Variants in GALNTL6 observed in about 807,000 individuals in gnomAD.
GALNTL6 encodes polypeptide N-acetylgalactosaminyltransferase-like 6.
A neutral mutation model predicts 73.7 loss-of-function variants in GALNTL6; 46 were observed. That is an observed-to-expected ratio of 0.62 (90% CI 0.49 to 0.80). GALNTL6 has a LOEUF of 0.80. Ranked by LOEUF, GALNTL6 falls within the 30% of genes least tolerant of loss-of-function variation. GALNTL6 has a pLI of 0.00. For synonymous variants in GALNTL6, 259 were observed against 263.7 expected (o/e 0.98, Z 0.17); for missense variants, 604 against 755.0 (o/e 0.80, Z 2.34).
At chr4:172,134,605 A>T (rs1540653) in intron 2 of GALNTL6, among the ~76,000 whole-genome samples, 66,967 of 151,890 alleles carry the variant, frequency 0.44, 15,391 homozygotes, top group African/African-American at 0.55. Context: ...AATTTTGGAC[A>T]TGCTGCAGAT....
rs17057915 is a variant in GALNTL6 at position 172,030,953 on chromosome 4, A to G, written c.139-198703A>G. Among the ~76,000 whole-genome samples, 1,124 of 152,086 alleles carry G rather than the reference A, an allele frequency of 7.4e-3. 22 individuals are homozygous for G. The highest frequency in any genetic ancestry group is 0.065 in the East Asian group (335 of 5,160). Reference sequence around the variant, plus strand: ...ATGACAAACAGAGGATCACTTTATAAAGGAGTGTTTCTGAGAAGACCTACC... The same window carrying G: ...ATGACAAACAGAGGATCACTTTATAGAGGAGTGTTTCTGAGAAGACCTACC... On this transcript the variant is annotated intron_variant, in intron 2 of 12. Transcript: ENST00000506823.
intron 7 of GALNTL6, among the ~76,000 whole-genome samples, chr4:172,874,657 T>C (rs1371962530): frequency 6.6e-6 from 1 of 152,122 alleles, no homozygotes; most frequent in East Asian, 1.9e-4. Flanking sequence ...TGGTTGGCAA[T>C]TTTTTTAAGC....
Position 172,877,308 on chromosome 4 carries a change from C to T in GALNTL6, c.924-5482C>T, listed in dbSNP as rs1561008450. On this transcript the variant is annotated intron_variant, in intron 7 of 12. Coordinates refer to ENST00000506823, the MANE Select transcript of GALNTL6 (RefSeq NM_001034845.3). ...TAAGCCAGAGAAATTTTTAATTAAA[C>T]TCCACCTTTTTTTTCATTTATGGCA... Among the ~76,000 whole-genome samples, 3 of 152,096 alleles carry T rather than the reference C, an allele frequency of 2.0e-5. No homozygotes were observed. The East Asian group carries it at 5.8e-4, about 29-fold the overall frequency.
At chr4:172,422,781 CA>C (rs1337571359) in intron 5 of GALNTL6, among the ~76,000 whole-genome samples, 2 of 151,738 alleles carry the variant, frequency 1.3e-5, no homozygotes, top group African/African-American at 4.8e-5. Flanking sequence ...TATTCTGCCA[CA>C]GCCTTTCCCA....
chr4:171,850,501 C>T (rs147379712), intron 2 of GALNTL6, among the ~76,000 whole-genome samples: 210 of 152,220 alleles, frequency 1.4e-3, no homozygotes, highest in African/African-American at 4.4e-3. Context: ...TTGCTTATCT[C>T]GAAGCCAGTG....
At position 172,170,311 on chromosome 4, in the gene GALNTL6, T is replaced by C. The variant is rs541171111; in HGVS notation, c.139-59345T>C. Among the ~76,000 whole-genome samples, 7 of 152,282 alleles carry C rather than the reference T, an allele frequency of 4.6e-5. No homozygotes were observed. The South Asian group carries it at 6.2e-4, about 14-fold the overall frequency. On this transcript the variant is annotated intron_variant, in intron 2 of 12. Transcript: ENST00000506823. ...ATAGTGAGTGAGTTATCATGAGATC[T>C]GATGGCTTTATAAGTTTTTAACAAT...
chr4:172,539,544 A>C (rs916320961), intron 5 of GALNTL6, among the ~76,000 whole-genome samples: 15 of 152,192 alleles, frequency 9.9e-5, no homozygotes, highest in Admixed American at 2.6e-4. Flanking sequence ...ATAAAACTGC[A>C]GGGGGAATGG....
At chr4:172,046,421 A>G (rs183079048) in intron 2 of GALNTL6, among the ~76,000 whole-genome samples, 2 of 152,136 alleles carry the variant, frequency 1.3e-5, no homozygotes, top group Non-Finnish European at 2.9e-5. Context: ...CGTCATTAAC[A>G]TTAGGTATTT....
intron 7 of GALNTL6, among the ~76,000 whole-genome samples, chr4:172,879,588 A>G (rs1745353755): frequency 6.6e-6 from 1 of 152,044 alleles, no homozygotes; most frequent in East Asian, 1.9e-4. Context: ...AAATAAGAAC[A>G]TGATGTATTC....
chr4:171,912,892 G>T (rs1737515642), intron 2 of GALNTL6, among the ~76,000 whole-genome samples: 1 of 152,000 alleles, frequency 6.6e-6, no homozygotes, highest in African/African-American at 2.4e-5. Context: ...TTCTTTTTTT[G>T]TGATTGAATA....
intron 7 of GALNTL6, among the ~76,000 whole-genome samples, chr4:172,852,205 G>A (rs372574213): frequency 6.6e-6 from 1 of 152,056 alleles, no homozygotes; most frequent in Non-Finnish European, 1.5e-5. Context: ...CAGCATATTC[G>A]AAGTGTTTTT....
At chr4:172,767,347 A>G (rs1013367982) in intron 5 of GALNTL6, among the ~76,000 whole-genome samples, 1 of 152,238 alleles carries the variant, frequency 6.6e-6, no homozygotes, top group Non-Finnish European at 1.5e-5. Flanking sequence ...AATGTATACA[A>G]TGAAGAAGTG....
chr4:171,912,044 A>G (rs1332386519), intron 2 of GALNTL6, among the ~76,000 whole-genome samples: 1 of 152,138 alleles, frequency 6.6e-6, no homozygotes, highest in East Asian at 1.9e-4. Flanking sequence ...TCTTCTGCTT[A>G]ATCTTAAAAA....
chr4:172,487,367 C>CTTCTTTTCTT lies in GALNTL6; in HGVS notation c.553+138700_553+138709dup, dbSNP rs200452023. On this transcript the variant is annotated intron_variant, in intron 5 of 12. Coordinates refer to ENST00000506823, the MANE Select transcript of GALNTL6 (RefSeq NM_001034845.3). ...CTTTCTTTCTTTCTTTCCTTCTTTCCTTCTTTTCTTTTCTTTTCTTTTCTT... is the reference window on the plus strand; with the variant it reads ...CTTTCTTTCTTTCTTTCCTTCTTTCCTTCTTTTCTTTTCTTTTCTTTTCTTTTCTTTTCTT... 8.5e-3 allele frequency among the ~76,000 whole-genome samples: 735 copies of CTTCTTTTCTT among 86,904 alleles called. 11 individuals carry two copies. Among genetic ancestry groups the CTTCTTTTCTT allele is most frequent in the African/African-American group, 0.028 (689 of 24,628 alleles). The allele number at this position is 86,904 out of a possible 152,430, so 57.0% of individuals were successfully genotyped here.
chr4:172,902,288 A>T (rs1746668591), intron 8 of GALNTL6, among the ~76,000 whole-genome samples: 2 of 152,218 alleles, frequency 1.3e-5, no homozygotes, highest in South Asian at 4.1e-4. Flanking sequence ...CCAAATATTA[A>T]CATTTTCAAA....
chr4:172,361,956 A>T (rs1742385513), intron 5 of GALNTL6, among the ~76,000 whole-genome samples: 1 of 152,208 alleles, frequency 6.6e-6, no homozygotes. Flanking sequence ...CTTGGTACAA[A>T]GTAAGCACTC....
At chr4:172,920,436 A>G (rs1270088321) in intron 8 of GALNTL6, among the ~76,000 whole-genome samples, 2 of 152,164 alleles carry the variant, frequency 1.3e-5, no homozygotes, top group African/African-American at 4.8e-5. Context: ...CAAAATCTAT[A>G]TCCCAAAGCT....
chr4:172,312,629 G>C (rs1740402736), intron 4 of GALNTL6, among the ~76,000 whole-genome samples: 1 of 151,920 alleles, frequency 6.6e-6, no homozygotes. Flanking sequence ...AAAAATCAGG[G>C]CAACTAATTA....
chr4:172,524,298 G>T (rs2110826504), intron 5 of GALNTL6, among the ~76,000 whole-genome samples: 1 of 151,460 alleles, frequency 6.6e-6, no homozygotes, highest in East Asian at 1.9e-4. Flanking sequence ...GCCCAGGCTG[G>T]AGTGCAGTGG....
Sources: gnomAD v4.1 joint callset for allele counts (sites outside exome capture counted in the v4.1 genomes callset) on GRCh38, gnomAD v4.1.1 for gene constraint, MANE v1.5 for transcripts, NCBI Gene and HGNC (gene_info 2026-07-23, HGNC 2026-07-21) for gene names.